Variants in TMEM131 observed in about 807,000 individuals in gnomAD.
The protein encoded by TMEM131 is transmembrane protein 131, also known as 2610524E03Rik.
A neutral mutation model predicts 211.6 loss-of-function variants in TMEM131; 66 were observed. The observed-to-expected ratio is 0.31, with a 90% CI of 0.26 to 0.38. TMEM131 has a LOEUF of 0.38. Ranked by LOEUF, TMEM131 falls within the 10% of genes least tolerant of loss-of-function variation. The pLI, the probability that TMEM131 is intolerant of heterozygous loss-of-function variation, is 1.00. For missense variants in TMEM131, 2,036 were observed against 2,299.3 expected (o/e 0.89, Z 2.34); for synonymous variants, 844 against 841.3 (o/e 1.00, Z -0.06).
intron 27 of TMEM131, 110 bp downstream of exon 27, chr2:97,796,734 A>G (rs1460863888): frequency 4.5e-6 from 5 of 1,107,144 alleles, no homozygotes; most frequent in Non-Finnish European, 5.2e-6. Context: ...TTAAGCATTC[A>G]TAACTAATAT....
chr2:97,849,698 T>G (rs1324288742), intron 5 of TMEM131, among the ~76,000 whole-genome samples: 3 of 150,396 alleles, frequency 2.0e-5, no homozygotes, highest in African/African-American at 7.3e-5. Context: ...TGTGTCTGTG[T>G]GTGTATATCT....
At chr2:97,926,423 T>C (rs2104440264) in intron 2 of TMEM131, among the ~76,000 whole-genome samples, 1 of 152,330 alleles carries the variant, frequency 6.6e-6, no homozygotes, top group Admixed American at 6.5e-5. Context: ...AAATTGTTTC[T>C]GAGAAACACT....
At position 97,811,115 on chromosome 2, in the gene TMEM131, A is replaced by G; in HGVS notation, c.1968+13T>C. On this transcript the variant is annotated intron_variant, in intron 18 of 40. Transcript: ENST00000186436. ...AAAAACCCCACTGCCATGAATCCCC[A>G]TAAAGTCCTTACCTCATAGTCTGTT... 1.3e-6 allele frequency: 2 copies of G among 1,591,632 alleles called. No homozygotes were observed. The highest frequency in any genetic ancestry group is 1.7e-6 in the Non-Finnish European group (2 of 1,159,686).
chr2:97,961,838 A>G (rs1470590525), intron 1 of TMEM131, among the ~76,000 whole-genome samples: 2 of 152,260 alleles, frequency 1.3e-5, no homozygotes, highest in African/African-American at 2.4e-5. Context: ...ATGCACTTTA[A>G]AAAGTGAACT....
intron 11 of TMEM131, among the ~76,000 whole-genome samples, chr2:97,829,558 G>C (rs966527666): frequency 6.6e-6 from 1 of 151,764 alleles, no homozygotes; most frequent in Non-Finnish European, 1.5e-5. Flanking sequence ...GCAGAACATG[G>C]CGGGGAGCCA....
intron 5 of TMEM131, among the ~76,000 whole-genome samples, chr2:97,859,018 C>T (rs933630375): frequency 5.3e-5 from 8 of 152,022 alleles, no homozygotes; most frequent in Admixed American, 1.3e-4. Flanking sequence ...TAACACAATG[C>T]GAAGGAATTA....
intron 4 of TMEM131, among the ~76,000 whole-genome samples, chr2:97,886,776 A>G (rs1349747842): frequency 6.6e-6 from 1 of 152,190 alleles, no homozygotes; most frequent in African/African-American, 2.4e-5. Flanking sequence ...GTGTGGGTGT[A>G]TGCCTGCCAG....
At chr2:97,827,069 A>T (rs1419728043) in intron 11 of TMEM131, among the ~76,000 whole-genome samples, 14 of 14,036 alleles carry the variant, frequency 1.0e-3, no homozygotes, top group African/African-American at 3.4e-3. Context: ...AGTGATAAGC[A>T]AAAAAAAAAA....
intron 1 of TMEM131, among the ~76,000 whole-genome samples, chr2:97,960,727 T>C (rs1238591957): frequency 1.3e-5 from 2 of 152,016 alleles, no homozygotes; most frequent in African/African-American, 4.8e-5. Flanking sequence ...AAAAATAGCA[T>C]ACAAAAACTA....
intron 1 of TMEM131, among the ~76,000 whole-genome samples, chr2:97,971,201 G>A (rs1679279562): frequency 6.6e-6 from 1 of 152,070 alleles, no homozygotes; most frequent in Admixed American, 6.6e-5. Context: ...AAGGGCACTG[G>A]GTAAAGGTCA....
chr2:97,800,341 C>T (rs1311701382), intron 25 of TMEM131, among the ~76,000 whole-genome samples: 1 of 152,192 alleles, frequency 6.6e-6, no homozygotes, highest in Non-Finnish European at 1.5e-5. Flanking sequence ...ATTTTCCTAT[C>T]TCTCACAGTG....
Position 97,787,841 on chromosome 2 carries a change from C to G in TMEM131, c.4144+4545G>C, listed in dbSNP as rs567687798. 2.6e-5 allele frequency among the ~76,000 whole-genome samples: 4 copies of G among 152,260 alleles called. No homozygotes were observed. In the East Asian group the frequency reaches 7.7e-4, roughly 29 times the overall value. On this transcript the variant is annotated intron_variant, in intron 31 of 40. Transcript: ENST00000186436. ...TGACATCCCATTTCCAAGGCTGCAC[C>G]TACGAACCTGGTATTGCCCAGAACT... is the stretch of plus-strand genomic sequence containing the variant.
At position 97,921,068 on chromosome 2, in the gene TMEM131, A is replaced by G. The variant is rs190791915; in HGVS notation, c.249+6358T>C. ...ACTGAGAATAACCAAGACATTACTG[A>G]GAAGAATAACAAAGTGTCAGGATTT... is the stretch of plus-strand genomic sequence containing the variant. On this transcript the variant is annotated intron_variant, in intron 2 of 40. Transcript: ENST00000186436. Among the ~76,000 whole-genome samples the G allele has an allele frequency of 1.1e-3, 166 of 152,166 alleles. 1 individual carries two copies. Among genetic ancestry groups the G allele is most frequent in the African/African-American group, 4.0e-3 (165 of 41,490 alleles).
Position 97,984,577 on chromosome 2 carries a change from G to C in TMEM131, c.187+10899C>G, listed in dbSNP as rs143501059. On this transcript the variant is annotated intron_variant, in intron 1 of 40. Coordinates refer to ENST00000186436, the MANE Select transcript of TMEM131 (RefSeq NM_015348.2). Reference sequence around the variant, plus strand: ...GTGTGCAGATCACATGGCGGCAAGGGGGGTGGTGACAGGCTCATTTTAATA... The same window carrying C: ...GTGTGCAGATCACATGGCGGCAAGGCGGGTGGTGACAGGCTCATTTTAATA... 6.0e-4 allele frequency among the ~76,000 whole-genome samples: 91 copies of C among 152,090 alleles called. No homozygotes were observed. The East Asian group carries it at 0.014, about 24-fold the overall frequency.
chr2:97,901,744 G>A (rs1356907518), intron 3 of TMEM131, among the ~76,000 whole-genome samples: 4 of 152,146 alleles, frequency 2.6e-5, no homozygotes, highest in African/African-American at 7.2e-5. Context: ...TCTTGTGAAG[G>A]TAAAGAGTAG....
chr2:97,785,031 C>G (rs561924828), intron 31 of TMEM131, among the ~76,000 whole-genome samples: 1 of 152,126 alleles, frequency 6.6e-6, no homozygotes, highest in Non-Finnish European at 1.5e-5. Context: ...TGATGGACCA[C>G]TTGATTAAAA....
intron 12 of TMEM131, among the ~76,000 whole-genome samples, chr2:97,816,005 C>CT (rs1681812019): frequency 6.6e-6 from 1 of 152,028 alleles, no homozygotes; most frequent in Non-Finnish European, 1.5e-5. Context: ...TTATATTGTC[C>CT]TCATCTTAGA....
Position 97,995,727 on chromosome 2 carries a change from G to A in TMEM131, c.-65C>T. Reference sequence around the variant, plus strand: ...GGCCCTTCTCGGCGAGGCGGCGGCGGCGCGGAAGCCGTGGTCCGGGCTCTG... The same window carrying A: ...GGCCCTTCTCGGCGAGGCGGCGGCGACGCGGAAGCCGTGGTCCGGGCTCTG... On this transcript the variant is annotated 5_prime_UTR_variant, in exon 1 of 41. Coordinates refer to ENST00000186436, the MANE Select transcript of TMEM131 (RefSeq NM_015348.2). 1.8e-6 allele frequency: 2 copies of A among 1,125,962 alleles called. No homozygotes were observed. The highest frequency in any genetic ancestry group is 4.7e-5 in the Admixed American group (1 of 21,172). The allele number at this position is 1,125,962 out of a possible 1,614,324, so 69.7% of individuals were successfully genotyped here. A position where few individuals can be genotyped will look rare whatever the true frequency, so the allele number is the denominator to read the frequency against.
chr2:97,908,809 A>G, intron 2 of TMEM131, 111 bp from the exon 3 acceptor site: 1 of 886,268 alleles, frequency 1.1e-6, no homozygotes, highest in Non-Finnish European at 1.7e-6. Context: ...TTTTATACCC[A>G]TTTGGATTTT....
Sources: allele counts gnomAD v4.1 joint callset (sites outside exome capture counted in the v4.1 genomes callset), GRCh38; gene constraint gnomAD v4.1.1; transcripts MANE v1.5; gene names NCBI Gene and HGNC (gene_info 2026-07-23, HGNC 2026-07-21).